CSMD1: variants seen among roughly 807,000 people sequenced by gnomAD.
CSMD1 encodes the protein CUB and Sushi multiple domains 1.
In CSMD1, 213 loss-of-function variants were observed where a neutral mutation model predicts 417.5. That is an observed-to-expected ratio of 0.51 (90% confidence interval 0.46 to 0.57). The LOEUF (loss-of-function observed/expected upper bound fraction) is 0.57. CSMD1 is among the 20% of genes least tolerant of loss of function. CSMD1 has a pLI of 0.00. For synonymous variants in CSMD1, 2,862 were observed against 1,736.8 expected (o/e 1.65, Z -16.11); for missense variants, 6,923 against 4,529.7 (o/e 1.53, Z -15.17).
chr8:4,235,688 C>G (rs1802003162), intron 3 of CSMD1, among the ~76,000 whole-genome samples: 1 of 152,138 alleles, frequency 6.6e-6, no homozygotes, highest in Non-Finnish European at 1.5e-5. Context: ...CCATGTTTTC[C>G]TGAAGAATTT....
chr8:4,249,863 C>A (rs2128829896), intron 3 of CSMD1, among the ~76,000 whole-genome samples: 1 of 152,208 alleles, frequency 6.6e-6, no homozygotes, highest in Non-Finnish European at 1.5e-5. Context: ...CCCCGGAATT[C>A]TTGAGTTGGC....
chr8:4,479,031 A>C (rs569381870), intron 2 of CSMD1, among the ~76,000 whole-genome samples: 1 of 152,328 alleles, frequency 6.6e-6, no homozygotes, highest in Admixed American at 6.5e-5. Context: ...TAGGGAAGAT[A>C]ACACAGAGTA....
intron 10 of CSMD1, among the ~76,000 whole-genome samples, chr8:3,541,210 T>C (rs1271904249): frequency 6.6e-6 from 1 of 152,130 alleles, no homozygotes; most frequent in Non-Finnish European, 1.5e-5. Flanking sequence ...TAAGAAGGAA[T>C]GAGATCACGT....
intron 3 of CSMD1, among the ~76,000 whole-genome samples, chr8:4,126,992 G>C (rs540661223): frequency 1.3e-5 from 2 of 152,232 alleles, no homozygotes; most frequent in East Asian, 3.9e-4. Flanking sequence ...GCACATTCGA[G>C]TTTGAGAGCC....
chr8:3,110,984 T>A (rs1816478044), intron 42 of CSMD1, among the ~76,000 whole-genome samples: 1 of 152,220 alleles, frequency 6.6e-6, no homozygotes, highest in Non-Finnish European at 1.5e-5. Context: ...ATTTTATTTA[T>A]GGAAAATGAC....
chr8:3,903,882 T>A (rs879767246), intron 5 of CSMD1, among the ~76,000 whole-genome samples: 15 of 152,010 alleles, frequency 9.9e-5, no homozygotes, highest in South Asian at 4.2e-4. Flanking sequence ...ATATATATAT[T>A]TTTTTACCTC....
intron 1 of CSMD1, among the ~76,000 whole-genome samples, chr8:4,816,109 G>A (rs984046335): frequency 6.6e-6 from 1 of 152,148 alleles, no homozygotes; most frequent in Non-Finnish European, 1.5e-5. Context: ...GAGGAAGGCT[G>A]ATCACAGAGC....
chr8:3,230,451 A>G (rs975180461), intron 26 of CSMD1, among the ~76,000 whole-genome samples: 3 of 152,068 alleles, frequency 2.0e-5, no homozygotes, highest in African/African-American at 7.2e-5. Flanking sequence ...GATTCTGTTG[A>G]AAATGCAACC....
intron 5 of CSMD1, among the ~76,000 whole-genome samples, chr8:3,924,080 G>A (rs971053138): frequency 2.6e-5 from 4 of 152,154 alleles, no homozygotes; most frequent in Admixed American, 2.6e-4. Flanking sequence ...GGGTATATCT[G>A]GTGGTGATGA....
At position 3,441,954 on chromosome 8, in the gene CSMD1, C is replaced by T. The variant is rs192846506; in HGVS notation, c.1561+26758G>A. Among the ~76,000 whole-genome samples the T allele has an allele frequency of 1.3e-4, 19 of 151,730 alleles. No individual in the cohort carries two copies. In the East Asian group the frequency reaches 1.4e-3, roughly 11 times the overall value. On this transcript the variant is annotated intron_variant, in intron 12 of 69. Coordinates refer to ENST00000635120, the MANE Select transcript of CSMD1 (RefSeq NM_033225.6). ...GCTTCATTCATGTGTGGTATTGCCC[C>T]GAAGACTTTCCAGTGGGACAAGATG...
chr8:4,262,663 G>C (rs1037297056), intron 3 of CSMD1, among the ~76,000 whole-genome samples: 1 of 152,024 alleles, frequency 6.6e-6, no homozygotes, highest in Non-Finnish European at 1.5e-5. Flanking sequence ...AGAGTAAAAC[G>C]TGCCCAACCA....
At chr8:3,666,029 G>A (rs1798676180) in intron 7 of CSMD1, among the ~76,000 whole-genome samples, 1 of 152,110 alleles carries the variant, frequency 6.6e-6, no homozygotes, top group African/African-American at 2.4e-5. Context: ...CGGAGTAGGT[G>A]GGATTACAGG....
At chr8:3,577,053 A>T (rs1157983226) in intron 9 of CSMD1, among the ~76,000 whole-genome samples, 2 of 152,194 alleles carry the variant, frequency 1.3e-5, no homozygotes, top group East Asian at 3.8e-4. Context: ...CTGCAGGGGA[A>T]AGTCATTTGT....
intron 50 of CSMD1, among the ~76,000 whole-genome samples, chr8:3,037,743 A>C (rs1403371528): frequency 6.6e-6 from 1 of 152,242 alleles, no homozygotes; most frequent in Non-Finnish European, 1.5e-5. Context: ...GAATAAGAGT[A>C]GATGACCAAT....
chr8:3,875,244 T>A (rs1490811915), intron 5 of CSMD1, among the ~76,000 whole-genome samples: 1 of 152,136 alleles, frequency 6.6e-6, no homozygotes, highest in Non-Finnish European at 1.5e-5. Context: ...TGATTTGAAT[T>A]GAGACCATAG....
rs566261501 is a variant in CSMD1 at position 3,703,772 on chromosome 8, G to A, written c.1009+4642C>T. 1.4e-4 allele frequency among the ~76,000 whole-genome samples: 21 copies of A among 152,208 alleles called. 1 individual carries two copies. The East Asian group carries it at 3.7e-3, about 27-fold the overall frequency. On this transcript the variant is annotated intron_variant, in intron 7 of 69. Transcript: ENST00000635120. Reference sequence around the variant, plus strand: ...ATCTATGGCCAGCTATTACATACCTGTATAAACTTAACTCTCAGCTGGGCA... The same window carrying A: ...ATCTATGGCCAGCTATTACATACCTATATAAACTTAACTCTCAGCTGGGCA...
chr8:3,278,683 A>C (rs1452597485), intron 26 of CSMD1: 1 of 152,082 alleles, frequency 6.6e-6, no homozygotes, highest in African/African-American at 2.4e-5. Context: ...GTTCATAAAG[A>C]CAAAAAAATG....
At chr8:3,239,805 G>C (rs1340115241) in intron 26 of CSMD1, among the ~76,000 whole-genome samples, 1 of 152,116 alleles carries the variant, frequency 6.6e-6, no homozygotes, top group South Asian at 2.1e-4. Context: ...AGGAAACATG[G>C]GGAAATGGGG....
Position 3,091,540 on chromosome 8 carries a change from T to C in CSMD1, c.7261A>G (p.Lys2421Glu). 2 of 1,606,374 alleles carry C rather than the reference T, an allele frequency of 1.2e-6. No individual in the cohort carries two copies. The highest frequency in any genetic ancestry group is 1.7e-6 in the Non-Finnish European group (2 of 1,178,316). Residue 2421 changes from lysine (K) to glutamate (E), a missense_variant, in exon 48 of 70, where the codon AAA becomes GAA. Physicochemically the swap from Lys to Glu is moderately conservative, Grantham distance 56. Transcript: ENST00000635120. The stretch of plus-strand genomic sequence containing the variant: ...CCTGCATAGCGAATCTTGAATCCTT[T>C]CTTACTGGTGGCATGGTCAGTGGAC... Reference protein sequence around the residue: ...RWSTDHATSKKGFKIRYAAPY... With the variant: ...RWSTDHATSKEGFKIRYAAPY...
Sources: gnomAD v4.1 joint callset for allele counts (sites outside exome capture counted in the v4.1 genomes callset) on GRCh38, gnomAD v4.1.1 for gene constraint, MANE v1.5 for transcripts, NCBI Gene and HGNC (gene_info 2026-07-23, HGNC 2026-07-21) for gene names.